The following SCN8A variants were observed in gnomAD, a reference collection of about 807,000 sequenced individuals.
The protein encoded by SCN8A is sodium voltage-gated channel alpha subunit 8.
In SCN8A, 30 loss-of-function variants were observed where a neutral mutation model predicts 184.1. The ratio of observed to expected loss-of-function variants is 0.16; its 90% CI spans 0.12 to 0.22. The LOEUF is 0.22. Among genes scored for constraint, SCN8A ranks in the 10% least tolerant of loss-of-function variants. The probability of loss-of-function intolerance (pLI) is 1.00; values close to 1 mark genes in which losing one functional copy is unlikely to be tolerated. For synonymous variants in SCN8A, 852 were observed against 907.0 expected (o/e 0.94, Z 1.09); for missense variants, 1,057 against 2,498.9 (o/e 0.42, Z 12.30).
chr12:51,741,307 C>T (rs1417832286), intron 12 of SCN8A, among the ~76,000 whole-genome samples: 1 of 152,166 alleles, frequency 6.6e-6, no homozygotes, highest in Non-Finnish European at 1.5e-5. Flanking sequence ...TTTCCATTGG[C>T]ATGGAATATC....
intron 6 of SCN8A, among the ~76,000 whole-genome samples, chr12:51,698,603 G>T (rs1941634264): frequency 6.6e-6 from 1 of 152,178 alleles, no homozygotes; most frequent in Admixed American, 6.5e-5. Flanking sequence ...TTCTGTCACT[G>T]ATCTCTCCAT....
chr12:51,717,332 A>G (rs117880056), intron 11 of SCN8A, among the ~76,000 whole-genome samples: 12 of 152,284 alleles, frequency 7.9e-5, no homozygotes, highest in African/African-American at 2.2e-4. Context: ...ACTCATTTCT[A>G]TTTTTCCCAA....
intron 11 of SCN8A, chr12:51,713,490 A>G: frequency 1.3e-6 from 1 of 766,648 alleles, no homozygotes. Context: ...TCAGACTACC[A>G]ATAAACAGTT....
At position 51,809,130 on chromosome 12, in the gene SCN8A, TGTGGCTTCTGGGGGA is replaced by T. The variant is rs1938809427; in HGVS notation, c.*1703_*1717del. 1 of 152,198 alleles carries T rather than the reference TGTGGCTTCTGGGGGA, an allele frequency of 6.6e-6. No homozygotes were observed. Among genetic ancestry groups the T allele is most frequent in the Non-Finnish European group, 1.5e-5 (1 of 68,030 alleles). The allele number at this position is 152,198 out of a possible 1,614,324, so 9.4% of individuals were successfully genotyped here. A position where few individuals can be genotyped will look rare whatever the true frequency, so the allele number is the denominator to read the frequency against. The stretch of plus-strand genomic sequence containing the variant: ...AGCGACCTGCCCATTGTCATTGAAG[TGTGGCTTCTGGGGGA>T]GCGTCATATCTTCCATTCCATCTCC... On this transcript the variant is annotated 3_prime_UTR_variant, in exon 27 of 27. Coordinates refer to ENST00000627620, the MANE Select transcript of SCN8A (RefSeq NM_001330260.2).
intron 25 of SCN8A, among the ~76,000 whole-genome samples, chr12:51,792,025 G>T (rs888753496): frequency 6.6e-6 from 1 of 152,142 alleles, no homozygotes; most frequent in East Asian, 1.9e-4. Context: ...CTGCTGTCAT[G>T]GAGCTTATAA....
chr12:51,769,845 C>A (rs781441162), intron 17 of SCN8A, 23 bp from the exon 18 acceptor site: 2 of 1,508,102 alleles, frequency 1.3e-6, no homozygotes, highest in Non-Finnish European at 1.8e-6. Context: ...GCTGCCTGAT[C>A]TCCCTTTTCC....
chr12:51,762,221 C>T (rs761955203), intron 14 of SCN8A, among the ~76,000 whole-genome samples: 11 of 152,204 alleles, frequency 7.2e-5, no homozygotes, highest in Non-Finnish European at 1.3e-4. Flanking sequence ...ATTGCCATTG[C>T]TTAGCATATT....
chr12:51,686,202 T>C (rs1941416644), intron 3 of SCN8A, among the ~76,000 whole-genome samples, 166 bp from the exon 4 acceptor site: 1 of 152,238 alleles, frequency 6.6e-6, no homozygotes, highest in Non-Finnish European at 1.5e-5. Context: ...ATGCTGTGTT[T>C]ATGGTGGTGA....
At chr12:51,679,884 T>A (rs1941299041) in intron 2 of SCN8A, among the ~76,000 whole-genome samples, 1 of 151,890 alleles carries the variant, frequency 6.6e-6, no homozygotes, top group South Asian at 2.1e-4. Flanking sequence ...TGCCACCATG[T>A]CGGGCTAATT....
At chr12:51,781,657 C>T (rs1426951591) in intron 21 of SCN8A, among the ~76,000 whole-genome samples, 1 of 152,066 alleles carries the variant, frequency 6.6e-6, no homozygotes, top group East Asian at 1.9e-4. Flanking sequence ...CACGCGCACG[C>T]ACGCGCACAC....
chr12:51,788,159 A>G (rs1343650834), intron 22 of SCN8A, among the ~76,000 whole-genome samples: 2 of 152,164 alleles, frequency 1.3e-5, no homozygotes, highest in East Asian at 3.9e-4. Context: ...TTGGGAAGGG[A>G]CTGTCAAGGA....
At chr12:51,638,900 A>G (rs553703474) in intron 1 of SCN8A, among the ~76,000 whole-genome samples, 1 of 152,340 alleles carries the variant, frequency 6.6e-6, no homozygotes, top group Admixed American at 6.5e-5. Context: ...AGTGGAGCCT[A>G]GAGATGTGAC....
At chr12:51,713,956 T>C (rs1373225930) in intron 11 of SCN8A, among the ~76,000 whole-genome samples, 1 of 151,646 alleles carries the variant, frequency 6.6e-6, no homozygotes, top group Non-Finnish European at 1.5e-5. Context: ...ATGAACTGTT[T>C]TCCAAAACCA....
At chr12:51,652,409 C>T (rs1263955598) in intron 1 of SCN8A, among the ~76,000 whole-genome samples, 3 of 152,134 alleles carry the variant, frequency 2.0e-5, no homozygotes, top group African/African-American at 7.2e-5. Flanking sequence ...ATTCTATACA[C>T]TATAGCTAGA....
At position 51,692,345 on chromosome 12, in the gene SCN8A, C is replaced by T. The variant is rs79451717; in HGVS notation, c.706+3249C>T. Among the ~76,000 whole-genome samples, 1,229 of 152,270 alleles carry T rather than the reference C, an allele frequency of 8.1e-3. 14 individuals carry two copies. Among genetic ancestry groups the T allele is most frequent in the African/African-American group, 0.028 (1,165 of 41,540 alleles). On this transcript the variant is annotated intron_variant, in intron 6 of 26. Coordinates refer to ENST00000627620, the MANE Select transcript of SCN8A (RefSeq NM_001330260.2). The stretch of plus-strand genomic sequence containing the variant: ...GTAGATATTCTGAGTATGTCAGGGC[C>T]GCCAGGACTCCTGAAGATTGGACAG...
In SCN8A at chr12:51,812,398, G is replaced by T; in HGVS notation, c.*4969G>T. 2 of 154,576 alleles carry T rather than the reference G, an allele frequency of 1.3e-5. No homozygotes were observed. Among genetic ancestry groups the T allele is most frequent in the South Asian group, 3.6e-4 (2 of 5,524 alleles). 9.6% of individuals were successfully genotyped at this position (154,576 alleles called of 1,614,324 possible). On this transcript the variant is annotated 3_prime_UTR_variant, in exon 27 of 27. Transcript: ENST00000627620. ...TCTGTAAAATGGGGATAATAATACT[G>T]ACCTACCTCACAGGGGTGTTGTGAG...
intron 1 of SCN8A, among the ~76,000 whole-genome samples, chr12:51,626,555 A>C (rs1045517546): frequency 3.9e-5 from 6 of 152,188 alleles, no homozygotes; most frequent in East Asian, 1.9e-4. Flanking sequence ...TTCATTCATT[A>C]ATTAAGCAAA....
At chr12:51,712,874 C>A (rs946590495) in intron 11 of SCN8A, 26 of 1,520,420 alleles carry the variant, frequency 1.7e-5, no homozygotes, top group Non-Finnish European at 2.4e-5. Flanking sequence ...CCTCCTCTTC[C>A]ACCAAAGTTT....
chr12:51,720,997 C>T (rs1942044046), intron 11 of SCN8A, among the ~76,000 whole-genome samples: 1 of 148,294 alleles, frequency 6.7e-6, no homozygotes, highest in African/African-American at 2.5e-5. Flanking sequence ...AACCCAGGAG[C>T]TGGAGGTTGC....
Sources: gnomAD v4.1 joint callset for allele counts (sites outside exome capture counted in the v4.1 genomes callset) on GRCh38, gnomAD v4.1.1 for gene constraint, MANE v1.5 for transcripts, NCBI Gene and HGNC (gene_info 2026-07-23, HGNC 2026-07-21) for gene names.